WWTR1: variants seen among roughly 807,000 people sequenced by gnomAD.
WWTR1 encodes WW domain-containing transcription regulator protein 1.
A neutral mutation model predicts 40.1 loss-of-function variants in WWTR1; 13 were observed. The ratio of observed to expected loss-of-function variants is 0.32; its 90% CI spans 0.21 to 0.52. The LOEUF (loss-of-function observed/expected upper bound fraction) is 0.52, where lower values mean the gene tolerates loss of function less well. WWTR1 is among the 20% of genes least tolerant of loss of function. The pLI is 0.97. For synonymous variants in WWTR1, 230 were observed against 210.1 expected (o/e 1.09, Z -0.82); for missense variants, 436 against 523.1 (o/e 0.83, Z 1.63).
At chr3:149,521,971 A>G (rs1735069792) in intron 6 of WWTR1, among the ~76,000 whole-genome samples, 2 of 152,244 alleles carry the variant, frequency 1.3e-5, no homozygotes, top group Admixed American at 6.5e-5. Flanking sequence ...TGATATATAC[A>G]AAGTTATATA....
chr3:149,577,204 TAC>T (rs1165185562), intron 2 of WWTR1, among the ~76,000 whole-genome samples: 1 of 152,108 alleles, frequency 6.6e-6, no homozygotes, highest in Non-Finnish European at 1.5e-5. Flanking sequence ...GAAGATAAAC[TAC>T]ACTTTTGGCT....
intron 3 of WWTR1, among the ~76,000 whole-genome samples, chr3:149,561,553 A>G (rs1170691041): frequency 1.3e-5 from 2 of 152,228 alleles, no homozygotes; most frequent in African/African-American, 4.8e-5. Context: ...ATTATCCTAT[A>G]CATAAACAGC....
intron 4 of WWTR1, chr3:149,540,094 A>ACACACACACACACACC (rs1479145069): frequency 9.9e-6 from 4 of 402,256 alleles, no homozygotes; most frequent in Non-Finnish European, 2.0e-5. Context: ...ACACACACAC[A>ACACACACACACACACC]CACACACACA....
At chr3:149,614,967 G>C (rs1197448495) in intron 2 of WWTR1, among the ~76,000 whole-genome samples, 1 of 151,746 alleles carries the variant, frequency 6.6e-6, no homozygotes, top group African/African-American at 2.4e-5. Context: ...TGGGAGACAA[G>C]AGCAAAACTC....
At chr3:149,566,834 T>C (rs377126713) in intron 3 of WWTR1, among the ~76,000 whole-genome samples, 2 of 149,254 alleles carry the variant, frequency 1.3e-5, no homozygotes, top group African/African-American at 4.9e-5. Context: ...AAAACACACA[T>C]GTGTTTATAA....
chr3:149,545,830 T>C (rs1188441496), intron 3 of WWTR1, among the ~76,000 whole-genome samples: 1 of 152,206 alleles, frequency 6.6e-6, no homozygotes, highest in African/African-American at 2.4e-5. Flanking sequence ...CCTATGTTAA[T>C]TTTTATAACT....
chr3:149,705,541 G>C (rs539376497), upstream of WWTR1, among the ~76,000 whole-genome samples: 27 of 152,270 alleles, frequency 1.8e-4, no homozygotes, highest in African/African-American at 6.0e-4. Flanking sequence ...TAACACTTAG[G>C]GGGAGAAACC....
intron 1 of WWTR1, among the ~76,000 whole-genome samples, chr3:149,691,405 C>T (rs543340735): frequency 4.7e-5 from 7 of 148,884 alleles, no homozygotes; most frequent in African/African-American, 1.7e-4. Flanking sequence ...ATAAAATCAA[C>T]AAACCTTTAG....
At chr3:149,614,462 T>A (rs1334809178) in intron 2 of WWTR1, among the ~76,000 whole-genome samples, 1 of 152,172 alleles carries the variant, frequency 6.6e-6, no homozygotes, top group Non-Finnish European at 1.5e-5. Flanking sequence ...TTCTATGATG[T>A]TCACAAAATG....
At chr3:149,687,450 A>T (rs556260542) in intron 1 of WWTR1, among the ~76,000 whole-genome samples, 78 of 152,324 alleles carry the variant, frequency 5.1e-4, no homozygotes, top group Non-Finnish European at 9.8e-4. Flanking sequence ...AGGCAAAAAG[A>T]TTTTTTAAAA....
intron 1 of WWTR1, among the ~76,000 whole-genome samples, chr3:149,673,450 T>C (rs1714160122): frequency 6.6e-6 from 1 of 152,182 alleles, no homozygotes; most frequent in Non-Finnish European, 1.5e-5. Context: ...AAACTATTTT[T>C]ATGTTACCCC....
chr3:149,527,288 C>G (rs1735365734), intron 5 of WWTR1, among the ~76,000 whole-genome samples: 1 of 151,938 alleles, frequency 6.6e-6, no homozygotes, highest in South Asian at 2.1e-4. Context: ...GCTGGGATTA[C>G]AGGCATGCAC....
At chr3:149,535,250 G>A (rs554463890) in intron 4 of WWTR1, among the ~76,000 whole-genome samples, 2 of 151,290 alleles carry the variant, frequency 1.3e-5, no homozygotes, top group African/African-American at 4.9e-5. Context: ...AAAAAAGACA[G>A]TATTTTGAAA....
chr3:149,585,880 A>G (rs1738396856), intron 2 of WWTR1, among the ~76,000 whole-genome samples: 1 of 152,210 alleles, frequency 6.6e-6, no homozygotes, highest in African/African-American at 2.4e-5. Context: ...ATGTGAGGGG[A>G]CATACCAGGT....
intron 2 of WWTR1, among the ~76,000 whole-genome samples, chr3:149,664,933 T>C (rs934172966): frequency 2.0e-5 from 3 of 152,252 alleles, no homozygotes; most frequent in African/African-American, 7.2e-5. Context: ...GCTTTAGTAA[T>C]GCATTTGGGC....
chr3:149,603,341 T>C (rs942034487), intron 2 of WWTR1, among the ~76,000 whole-genome samples: 2 of 152,160 alleles, frequency 1.3e-5, no homozygotes, highest in East Asian at 3.8e-4. Context: ...TTAATAACTG[T>C]ACAAGGGAAT....
In WWTR1 at chr3:149,551,597, TTC is replaced by T. The variant is rs1206052886; in HGVS notation, c.569-9062_569-9061del. Reference sequence around the variant, plus strand: ...GCTTTACAATCACCTCATTCTCTTCTTCTCTGTCACAGAGGGTGACCAATTAT... The same window carrying T: ...GCTTTACAATCACCTCATTCTCTTCTTCTGTCACAGAGGGTGACCAATTAT... On this transcript the variant is annotated intron_variant, in intron 3 of 6. Coordinates refer to ENST00000360632, the MANE Select transcript of WWTR1 (RefSeq NM_015472.6). Among the ~76,000 whole-genome samples the T allele has an allele frequency of 8.2e-5, 12 of 145,662 alleles. 4 individuals are homozygous for T. Among genetic ancestry groups the T allele is most frequent in the African/African-American group, 3.1e-4 (12 of 38,422 alleles).
At chr3:149,521,725 T>G (rs994324138) in intron 6 of WWTR1, among the ~76,000 whole-genome samples, 1 of 152,226 alleles carries the variant, frequency 6.6e-6, no homozygotes, top group Non-Finnish European at 1.5e-5. Flanking sequence ...GAAAAGTAGG[T>G]GTCTGGGATA....
chr3:149,682,075 T>C (rs1714473166), intron 1 of WWTR1, among the ~76,000 whole-genome samples: 1 of 136,026 alleles, frequency 7.4e-6, no homozygotes, highest in Non-Finnish European at 1.6e-5. Context: ...TAAATTTAAA[T>C]GTAAAAAAAG....
Sources: gnomAD v4.1 joint callset for allele counts (sites outside exome capture counted in the v4.1 genomes callset) on GRCh38, gnomAD v4.1.1 for gene constraint, MANE v1.5 for transcripts, NCBI Gene and HGNC (gene_info 2026-07-23, HGNC 2026-07-21) for gene names.